Variants in MFF observed in about 807,000 individuals in gnomAD.
MFF encodes chromosome 2 open reading frame 33.
In MFF, 12 loss-of-function variants were observed where a neutral mutation model predicts 36.9. The observed-to-expected ratio is 0.33, with a 90% CI of 0.21 to 0.53. The LOEUF (loss-of-function observed/expected upper bound fraction) is 0.53. Among genes scored for constraint, MFF ranks in the 20% least tolerant of loss-of-function variants. MFF has a pLI of 0.95. For missense variants in MFF, 348 were observed against 366.6 expected (o/e 0.95, Z 0.42); for synonymous variants, 99 against 126.2 (o/e 0.78, Z 1.44).
chr2:227,345,427 C>T (rs1480344862), intron 5 of MFF, among the ~76,000 whole-genome samples: 1 of 152,182 alleles, frequency 6.6e-6, no homozygotes, highest in Non-Finnish European at 1.5e-5. Context: ...ACAAAGTGTT[C>T]AATTTAAACC....
Position 227,357,133 on chromosome 2 carries a change from T to C in MFF, c.*16T>C. The stretch of plus-strand genomic sequence containing the variant: ...TCGCCGCTAGAGGTAACATCAGCCC[T>C]CAAAAATACTGTCTCAACAGCTGGA... On this transcript the variant is annotated 3_prime_UTR_variant, in exon 9 of 9. Transcript: ENST00000304593. 6.2e-7 allele frequency: 1 copy of C among 1,607,448 alleles called. No individual in the cohort carries two copies. The highest frequency in any genetic ancestry group is 1.7e-5 in the Admixed American group (1 of 58,544).
chr2:227,341,244 G>T (rs570020258), intron 5 of MFF, among the ~76,000 whole-genome samples: 27 of 151,960 alleles, frequency 1.8e-4, no homozygotes, highest in African/African-American at 6.0e-4. Context: ...GGTACAGAAG[G>T]GGTTTTGTTG....
chr2:227,357,288 T>G lies in MFF; in HGVS notation c.*171T>G, dbSNP rs542169452. The G allele has an allele frequency of 8.2e-5, 54 of 658,488 alleles. No individual in the cohort carries two copies. The Middle Eastern group carries it at 1.3e-3, about 15-fold the overall frequency. 40.8% of individuals were successfully genotyped at this position (658,488 alleles called of 1,614,324 possible). ...ACCTATATTTGTAGAAGTAAAGGTA[T>G]ATTCTGTCACTCAGCTGTATTCACG... On this transcript the variant is annotated 3_prime_UTR_variant, in exon 9 of 9. Transcript: ENST00000304593.
At chr2:227,335,171 C>A (rs1405252449) in intron 4 of MFF, among the ~76,000 whole-genome samples, 249 of 128,566 alleles carry the variant, frequency 1.9e-3, no homozygotes, top group Non-Finnish European at 1.9e-3. Flanking sequence ...CTCTGTCTCT[C>A]AAAAAAAAAA....
chr2:227,336,966 C>G (rs898711110), intron 4 of MFF, among the ~76,000 whole-genome samples: 1 of 152,222 alleles, frequency 6.6e-6, no homozygotes, highest in African/African-American at 2.4e-5. Flanking sequence ...CTTAGAAAAT[C>G]AAGAACTTCA....
At chr2:227,356,841 T>A (rs1289943961) in intron 8 of MFF, 145 bp from the exon 9 acceptor site, 10 of 659,216 alleles carry the variant, frequency 1.5e-5, no homozygotes, top group Admixed American at 1.2e-4. Context: ...TGTAGTTGTG[T>A]TTATTTTGCT....
At chr2:227,329,527 GTAGA>G (rs2074414732) in intron 2 of MFF, 3 of 401,124 alleles carry the variant, frequency 7.5e-6, no homozygotes, top group South Asian at 6.3e-5. Flanking sequence ...GTCATTTTAC[GTAGA>G]TATTTACTTT....
intron 8 of MFF, among the ~76,000 whole-genome samples, chr2:227,356,536 G>A (rs967652448): frequency 9.9e-5 from 15 of 152,080 alleles, no homozygotes; most frequent in Middle Eastern, 3.2e-3. Flanking sequence ...ACTCAGAGGT[G>A]GACAGAGAAG....
In MFF at chr2:227,332,479, C is replaced by G; in HGVS notation, c.242C>G (p.Pro81Arg). 2 of 1,613,516 alleles carry G rather than the reference C, an allele frequency of 1.2e-6. No individual in the cohort carries two copies. The highest frequency in any genetic ancestry group is 1.7e-6 in the Non-Finnish European group (2 of 1,179,578). Reference sequence around the variant, plus strand: ...GATCTTGACCTTATTCAGTCAACTCCCTTTAAACCCCTGGCACTGAAAACA... The same window carrying G: ...GATCTTGACCTTATTCAGTCAACTCGCTTTAAACCCCTGGCACTGAAAACA... Reference protein sequence around the residue: ...PADLDLIQSTPFKPLALKTPP... With the variant: ...PADLDLIQSTRFKPLALKTPP... The change falls in exon 4 of 9, where the codon CCC becomes CGC. Residue 81 changes from proline to arginine, a missense_variant. By Grantham distance (103) the Pro-to-Arg change is moderately radical (BLOSUM62 -2). Coordinates refer to ENST00000304593, the MANE Select transcript of MFF (RefSeq NM_001277062.2).
intron 4 of MFF, among the ~76,000 whole-genome samples, chr2:227,335,756 C>T (rs755451145): frequency 6.6e-6 from 1 of 152,158 alleles, no homozygotes; most frequent in Non-Finnish European, 1.5e-5. Context: ...GGGCTTAAAA[C>T]ATAACATAAA....
chr2:227,339,266 T>C (rs2075250967), intron 4 of MFF, among the ~76,000 whole-genome samples: 1 of 152,130 alleles, frequency 6.6e-6, no homozygotes, highest in Non-Finnish European at 1.5e-5. Context: ...GTTCTAGTTA[T>C]CCATTTCTGT....
Position 227,357,204 on chromosome 2 carries a change from A to T in MFF, c.*87A>T, listed in dbSNP as rs1234865647. ...TTCTTTGTTTCTGTCTCTGCATTGT[A>T]TGCCATTTTATAGTCCACACCCTGA... On this transcript the variant is annotated 3_prime_UTR_variant, in exon 9 of 9. Coordinates refer to ENST00000304593, the MANE Select transcript of MFF (RefSeq NM_001277062.2). 7.0e-6 allele frequency: 10 copies of T among 1,419,162 alleles called. No individual in the cohort carries two copies. Among genetic ancestry groups the T allele is most frequent in the Non-Finnish European group, 6.8e-6 (7 of 1,035,274 alleles). 87.9% of individuals were successfully genotyped at this position (1,419,162 alleles called of 1,614,324 possible). A position where few individuals can be genotyped will look rare whatever the true frequency, so the allele number is the denominator to read the frequency against.
In MFF at chr2:227,329,738, G is replaced by A. The variant is rs559680360; in HGVS notation, c.-40-888G>A. The A allele has an allele frequency of 1.7e-4, 267 of 1,549,812 alleles. 4 individuals are homozygous for A. In the South Asian group the frequency reaches 2.8e-3, roughly 16 times the overall value. ...TAGCTATTATAGACCTGTATTTACTGTATTTAAATGAGTAAAGGAACAAGC... is the reference window on the plus strand; with the variant it reads ...TAGCTATTATAGACCTGTATTTACTATATTTAAATGAGTAAAGGAACAAGC... On this transcript the variant is annotated intron_variant, in intron 2 of 8. Coordinates refer to ENST00000304593, the MANE Select transcript of MFF (RefSeq NM_001277062.2).
chr2:227,330,954 G>A (rs2074529166), intron 3 of MFF, 108 bp downstream of exon 3: 3 of 848,608 alleles, frequency 3.5e-6, no homozygotes, highest in East Asian at 5.3e-5. Flanking sequence ...GTTGGAAAAT[G>A]CAACTTTATA....
At chr2:227,329,788 GTGAAATTTTATTCAGT>G (rs765575996) in intron 2 of MFF, 5 of 1,492,570 alleles carry the variant, frequency 3.3e-6, no homozygotes, top group Non-Finnish European at 3.6e-6. Context: ...AGGAAGGTCA[GTGAAATTTTATTCAGT>G]TGAGCTGGTA....
At chr2:227,347,124 G>T in intron 5 of MFF, 102 bp from the exon 6 acceptor site, 2 of 976,044 alleles carry the variant, frequency 2.0e-6, no homozygotes, top group South Asian at 1.6e-5. Flanking sequence ...TGGGAAAGGG[G>T]CAAGAACACT....
chr2:227,339,595 C>T (rs2075273075), intron 4 of MFF, among the ~76,000 whole-genome samples: 1 of 152,222 alleles, frequency 6.6e-6, no homozygotes, highest in Non-Finnish European at 1.5e-5. Context: ...TGGTGCCATT[C>T]TTCCAAATAT....
At chr2:227,336,263 A>C (rs892502497) in intron 4 of MFF, among the ~76,000 whole-genome samples, 1 of 152,230 alleles carries the variant, frequency 6.6e-6, no homozygotes, top group African/African-American at 2.4e-5. Flanking sequence ...AATCAGCTAC[A>C]ATAAACCCTA....
intron 7 of MFF, among the ~76,000 whole-genome samples, chr2:227,353,327 A>C (rs1417100127): frequency 6.6e-6 from 1 of 152,186 alleles, no homozygotes; most frequent in Non-Finnish European, 1.5e-5. Context: ...TTTTTCAGTC[A>C]GTTTTATTTA....
Sources: gnomAD v4.1 joint callset for allele counts (sites outside exome capture counted in the v4.1 genomes callset) on GRCh38, gnomAD v4.1.1 for gene constraint, MANE v1.5 for transcripts, NCBI Gene and HGNC (gene_info 2026-07-23, HGNC 2026-07-21) for gene names.